The following FMN1 variants were observed in gnomAD, a reference collection of about 807,000 sequenced individuals.
FMN1 encodes the protein formin-1.
A neutral mutation model predicts 132.4 loss-of-function variants in FMN1; 110 were observed. The observed-to-expected ratio is 0.83, with a 90% confidence interval of 0.71 to 0.97. The LOEUF is 0.97. Ranked by LOEUF, FMN1 falls within the 50% of genes least tolerant of loss-of-function variation. The pLI is 0.00. For missense variants in FMN1, 1,792 were observed against 1,705.3 expected, an observed-to-expected ratio of 1.05 and a Z score of -0.90; for synonymous variants, 722 against 651.7, an observed-to-expected ratio of 1.11 and a Z score of -1.64.
At chr15:33,171,992 G>A (rs1336134550) in intron 3 of FMN1, among the ~76,000 whole-genome samples, 2 of 152,086 alleles carry the variant, frequency 1.3e-5, no homozygotes, top group Non-Finnish European at 2.9e-5. Flanking sequence ...GGTGGATCAC[G>A]AGGTCAGGAG....
At position 32,807,571 on chromosome 15, in the gene FMN1, T is replaced by C. The variant is rs536193650; in HGVS notation, c.3929-3239A>G. Among the ~76,000 whole-genome samples the C allele has an allele frequency of 7.3e-4, 111 of 152,356 alleles. 1 individual carries two copies. In the South Asian group the frequency reaches 0.021, roughly 29 times the overall value. ...CTCTGCTCTCTCAGCAGATGGTTTC[T>C]AACTGGCTACTTCCAAGCTGTGTGT... On this transcript the variant is annotated intron_variant, in intron 17 of 20. Coordinates refer to ENST00000616417, the MANE Select transcript of FMN1 (RefSeq NM_001277313.2).
intron 4 of FMN1, among the ~76,000 whole-genome samples, chr15:33,105,020 G>A (rs2039431546): frequency 6.6e-6 from 1 of 152,088 alleles, no homozygotes; most frequent in South Asian, 2.1e-4. Context: ...GCCCTGGGAT[G>A]TGGCACTTTG....
At chr15:32,900,643 G>A (rs74014338) in intron 13 of FMN1, among the ~76,000 whole-genome samples, 2,548 of 152,318 alleles carry the variant, frequency 0.017, 70 homozygotes, top group African/African-American at 0.059. Flanking sequence ...TTTTAAGGCT[G>A]TAGGCCATCT....
At chr15:32,981,736 C>A (rs765996827) in intron 7 of FMN1, among the ~76,000 whole-genome samples, 2 of 151,896 alleles carry the variant, frequency 1.3e-5, no homozygotes, top group Non-Finnish European at 2.9e-5. Flanking sequence ...CACAGGACAG[C>A]AAAAGCATGA....
rs897821876 is a variant in FMN1 at position 32,778,236 on chromosome 15, ATT to A, written c.4131-1319_4131-1318del. On this transcript the variant is annotated intron_variant, in intron 19 of 20. Coordinates refer to ENST00000616417, the MANE Select transcript of FMN1 (RefSeq NM_001277313.2). ...TATTATATAATACATTTATTTATATATTATATAATACATATATGTATAATATA... is the reference window on the plus strand; with the variant it reads ...TATTATATAATACATTTATTTATATAATATAATACATATATGTATAATATA... Among the ~76,000 whole-genome samples the A allele has an allele frequency of 8.1e-5, 11 of 136,558 alleles. No homozygotes were observed. The Admixed American group carries it at 8.4e-4, about 10-fold the overall frequency. 89.6% of individuals were successfully genotyped at this position (136,558 alleles called of 152,430 possible). A position where few individuals can be genotyped will look rare whatever the true frequency, so the allele number is the denominator to read the frequency against.
rs2056295910 is a variant in FMN1, at chr15:32,772,865, G to GC, written c.*1444dup. On this transcript the variant is annotated 3_prime_UTR_variant, in exon 21 of 21. Coordinates refer to ENST00000616417, the MANE Select transcript of FMN1 (RefSeq NM_001277313.2). ...TCCTGGGAAGATGCTCAGGCACCTG[G>GC]CAAGTCCAGGGGTTCTGGAAAGATG... 1 of 152,718 alleles carries GC rather than the reference G, an allele frequency of 6.5e-6. No individual in the cohort carries two copies. Among genetic ancestry groups the GC allele is most frequent in the Non-Finnish European group, 1.5e-5 (1 of 68,488 alleles). The allele number at this position is 152,718 out of a possible 1,614,324, so 9.5% of individuals were successfully genotyped here. A position where few individuals can be genotyped will look rare whatever the true frequency, so the allele number is the denominator to read the frequency against.
chr15:32,780,206 C>T (rs1033646414), intron 19 of FMN1, among the ~76,000 whole-genome samples: 5 of 152,260 alleles, frequency 3.3e-5, no homozygotes, highest in Middle Eastern at 3.4e-3. Context: ...GAGGCTGGAA[C>T]CTTTTGGGCT....
chr15:32,965,726 CTCT>C (rs1162746993), intron 8 of FMN1, among the ~76,000 whole-genome samples: 15 of 152,234 alleles, frequency 9.9e-5, no homozygotes, highest in Non-Finnish European at 1.8e-4. Flanking sequence ...CTCTTCTCTC[CTCT>C]ACTTTTTATT....
At chr15:33,007,342 T>TA (rs556020020) in intron 7 of FMN1, among the ~76,000 whole-genome samples, 183 of 152,286 alleles carry the variant, frequency 1.2e-3, no homozygotes, top group Non-Finnish European at 2.1e-3. Context: ...CAGCCATCAG[T>TA]AAACAAGTCT....
At chr15:33,061,897 G>C (rs2037501502) in intron 6 of FMN1, among the ~76,000 whole-genome samples, 1 of 151,952 alleles carries the variant, frequency 6.6e-6, no homozygotes, top group Non-Finnish European at 1.5e-5. Context: ...GACAGAAAGA[G>C]AGAAAAAAAG....
At chr15:32,956,318 G>A (rs1240175612) in intron 9 of FMN1, among the ~76,000 whole-genome samples, 1 of 151,188 alleles carries the variant, frequency 6.6e-6, no homozygotes, top group Non-Finnish European at 1.5e-5. Context: ...GCAGCATTCT[G>A]AAAGAATCAT....
chr15:33,118,253 TAA>T (rs938563748), intron 4 of FMN1, among the ~76,000 whole-genome samples: 1 of 151,978 alleles, frequency 6.6e-6, no homozygotes, highest in African/African-American at 2.4e-5. Context: ...AATTATATCG[TAA>T]GAGATTTTCT....
chr15:33,053,557 G>T (rs2037076993), intron 6 of FMN1, among the ~76,000 whole-genome samples: 1 of 152,158 alleles, frequency 6.6e-6, no homozygotes, highest in South Asian at 2.1e-4. Flanking sequence ...GAGGCCAATA[G>T]CAAGTACTGG....
At chr15:32,980,962 A>G (rs151237264) in intron 7 of FMN1, among the ~76,000 whole-genome samples, 6,807 of 152,262 alleles carry the variant, frequency 0.045, 215 homozygotes, top group Middle Eastern at 0.11. Flanking sequence ...TGCAGTAAGC[A>G]GAGATCGTGC....
At position 32,777,510 on chromosome 15, in the gene FMN1, CACATTTATATATTACGTATAACATA is replaced by C. The variant is rs1190217943; in HGVS notation, c.4131-616_4131-592del. Among the ~76,000 whole-genome samples, 296 of 90,504 alleles carry C rather than the reference CACATTTATATATTACGTATAACATA, an allele frequency of 3.3e-3. 16 individuals are homozygous for C. Among genetic ancestry groups the C allele is most frequent in the African/African-American group, 9.1e-3 (272 of 29,834 alleles). The allele number at this position is 90,504 out of a possible 152,430, so 59.4% of individuals were successfully genotyped here. On this transcript the variant is annotated intron_variant, in intron 19 of 20. Coordinates refer to ENST00000616417, the MANE Select transcript of FMN1 (RefSeq NM_001277313.2). ...TTTATATATTACGTATAACATATAA[CACATTTATATATTACGTATAACATA>C]ACATTTATATATTACGTATAACATA...
At chr15:32,871,488 A>T (rs1170149925) in intron 16 of FMN1, among the ~76,000 whole-genome samples, 1 of 152,228 alleles carries the variant, frequency 6.6e-6, no homozygotes, top group Non-Finnish European at 1.5e-5. Flanking sequence ...GGCATGCCAT[A>T]GCTCACTTAA....
chr15:32,776,662 T>C (rs1436841197), intron 20 of FMN1, among the ~76,000 whole-genome samples, 173 bp downstream of exon 20: 2 of 151,752 alleles, frequency 1.3e-5, no homozygotes, highest in Non-Finnish European at 2.9e-5. Context: ...TATAAAGCTA[T>C]GTTTTGTACC....
chr15:32,893,610 T>C (rs949599908), intron 15 of FMN1, among the ~76,000 whole-genome samples: 7 of 152,210 alleles, frequency 4.6e-5, no homozygotes, highest in Non-Finnish European at 1.0e-4. Context: ...ACCAAAAAAG[T>C]CATCACTTAG....
intron 7 of FMN1, among the ~76,000 whole-genome samples, chr15:32,972,605 TCTC>T (rs1206217990): frequency 3.3e-5 from 5 of 152,300 alleles, no homozygotes; most frequent in South Asian, 2.1e-4. Context: ...CTCCTTTTGT[TCTC>T]CTCCTACTTC....
Sources: gnomAD v4.1 joint callset for allele counts (sites outside exome capture counted in the v4.1 genomes callset) on GRCh38, gnomAD v4.1.1 for gene constraint, MANE v1.5 for transcripts, NCBI Gene and HGNC (gene_info 2026-07-23, HGNC 2026-07-21) for gene names.